The following POU2F2 variants were observed in gnomAD, a reference collection of about 807,000 sequenced individuals.
POU2F2 encodes POU class 2 homeobox 2, also known as POU domain, class 2, transcription factor 2.
Under a neutral mutation model 63.5 loss-of-function variants are expected in POU2F2, and 14 were observed. That is an observed-to-expected ratio of 0.22 (90% CI 0.15 to 0.34). The LOEUF (loss-of-function observed/expected upper bound fraction) is 0.34. POU2F2 is among the 10% of genes least tolerant of loss of function. The pLI is 1.00. For synonymous variants in POU2F2, 306 were observed against 348.6 expected (o/e 0.88, Z 1.36); for missense variants, 607 against 815.2 (o/e 0.74, Z 3.11).
chr19:42,108,431 C>T (rs765114074), intron 5 of POU2F2, among the ~76,000 whole-genome samples: 38 of 151,968 alleles, frequency 2.5e-4, no homozygotes, highest in Non-Finnish European at 4.6e-4. Context: ...ACAAAAAATC[C>T]AGGCATGGTG....
At chr19:42,188,116 G>A (rs1304684633) in intron 1 of POU2F2, among the ~76,000 whole-genome samples, 3 of 151,908 alleles carry the variant, frequency 2.0e-5, no homozygotes, top group Non-Finnish European at 4.4e-5. Context: ...TATAATCCCG[G>A]CACTTTCGGA....
At chr19:42,139,234 C>A (rs978038297) in intron 2 of POU2F2, among the ~76,000 whole-genome samples, 1 of 152,130 alleles carries the variant, frequency 6.6e-6, no homozygotes, top group African/African-American at 2.4e-5. Context: ...GCAGGAAAAT[C>A]GCTTGAACCC....
At chr19:42,187,468 A>C (rs952593386) in intron 1 of POU2F2, among the ~76,000 whole-genome samples, 12 of 150,976 alleles carry the variant, frequency 7.9e-5, no homozygotes, top group African/African-American at 2.9e-4. Flanking sequence ...AAAAAAAAAA[A>C]AAAAAAAAAC....
intron 5 of POU2F2, among the ~76,000 whole-genome samples, chr19:42,101,035 T>C (rs2077120605): frequency 6.6e-6 from 1 of 151,622 alleles, no homozygotes; most frequent in African/African-American, 2.4e-5. Flanking sequence ...GAGGCGGAGA[T>C]TGCAATGAGC....
chr19:42,130,955 C>T (rs1600161968), intron 1 of POU2F2, among the ~76,000 whole-genome samples: 2 of 130,006 alleles, frequency 1.5e-5, no homozygotes, highest in Admixed American at 1.6e-4. Context: ...ACCTATGTCC[C>T]CCCATCCCAG....
chr19:42,139,973 C>A (rs952106863), intron 2 of POU2F2, among the ~76,000 whole-genome samples: 14 of 152,242 alleles, frequency 9.2e-5, no homozygotes, highest in African/African-American at 3.1e-4. Context: ...CACAATGAGG[C>A]TGGAGTGAAC....
upstream of POU2F2, among the ~76,000 whole-genome samples, chr19:42,180,626 T>C (rs553557425): frequency 7.2e-5 from 11 of 152,170 alleles, no homozygotes; most frequent in African/African-American, 2.2e-4. Context: ...AGTACATGGG[T>C]GGGGTGGGGG....
intron 5 of POU2F2, among the ~76,000 whole-genome samples, chr19:42,105,489 G>T (rs1008524490): frequency 1.3e-5 from 2 of 152,060 alleles, no homozygotes; most frequent in African/African-American, 4.8e-5. Flanking sequence ...TAAAGTATTT[G>T]TTAACTCCTG....
intron 1 of POU2F2, among the ~76,000 whole-genome samples, chr19:42,163,925 T>C (rs1414387083): frequency 6.6e-6 from 1 of 152,030 alleles, no homozygotes; most frequent in Non-Finnish European, 1.5e-5. Context: ...TACCATGAAA[T>C]AAAATCATTG....
chr19:42,092,338 C>A lies in POU2F2; in HGVS notation c.1265-68G>T. On this transcript the variant is annotated intron_variant, in intron 12 of 14. Coordinates refer to ENST00000692977, the MANE Select transcript of POU2F2 (RefSeq NM_001394376.1). The surrounding 1 kb of genome is among the most constrained non-coding windows in gnomAD (Gnocchi z 5.0). The stretch of plus-strand genomic sequence containing the variant: ...CGTCCCCCACTGAGGAACCTGGGGT[C>A]AGCTCCTACTTGTCCTCCCGCCCAG... The A allele has an allele frequency of 1.6e-6, 2 of 1,245,120 alleles. No individual in the cohort carries two copies. Among genetic ancestry groups the A allele is most frequent in the South Asian group, 2.6e-5 (2 of 77,708 alleles). The allele number at this position is 1,245,120 out of a possible 1,614,324, so 77.1% of individuals were successfully genotyped here.
chr19:42,094,025 T>C (rs2076831520), intron 11 of POU2F2, 130 bp from the exon 12 acceptor site: 1 of 688,732 alleles, frequency 1.5e-6, no homozygotes, highest in African/African-American at 1.8e-5. Flanking sequence ...GCATTTGTAT[T>C]ATTCCACATG....
At chr19:42,197,484 G>C (rs1320210048), upstream of POU2F2, among the ~76,000 whole-genome samples, 2 of 152,168 alleles carry the variant, frequency 1.3e-5, no homozygotes, top group Admixed American at 6.5e-5. Context: ...CGAAATTCCA[G>C]AACAGGCTCC....
intron 2 of POU2F2, among the ~76,000 whole-genome samples, chr19:42,146,045 A>AG (rs2034226631): frequency 6.6e-6 from 1 of 150,926 alleles, no homozygotes; most frequent in Non-Finnish European, 1.5e-5. Context: ...AAAAAAAAAA[A>AG]AAAAAAAGAA....
Position 42,169,243 on chromosome 19 carries a change from T to C in POU2F2, c.-70+6720A>G, listed in dbSNP as rs780867394. Among the ~76,000 whole-genome samples, 1 of 152,238 alleles carries C rather than the reference T, an allele frequency of 6.6e-6. No homozygotes were observed. ...GGCCTCCCTGTGGGATTTCTGAATG[T>C]GGCCTGTGTGCACCCACAGGCATAT... On this transcript the variant is annotated intron_variant, in intron 1 of 6. Transcript: ENST00000524801. The surrounding 1 kb of genome is among the most constrained non-coding windows in gnomAD (Gnocchi z 4.3).
At chr19:42,101,463 G>A (rs113772350) in intron 5 of POU2F2, among the ~76,000 whole-genome samples, 10 of 152,284 alleles carry the variant, frequency 6.6e-5, no homozygotes, top group African/African-American at 2.4e-4. Context: ...ATGATGTGAA[G>A]AGACACAGGG....
At chr19:42,136,227 C>T (rs1599645218), upstream of POU2F2, among the ~76,000 whole-genome samples, 1 of 145,912 alleles carries the variant, frequency 6.9e-6, no homozygotes, top group African/African-American at 2.6e-5. Flanking sequence ...CTCTGTCACT[C>T]AGGCTGGAGT....
chr19:42,116,623 G>A, intron 5 of POU2F2: 1 of 257,196 alleles, frequency 3.9e-6, no homozygotes, highest in Non-Finnish European at 7.8e-6. Context: ...AACAGTCCAT[G>A]TGGACCAGTC....
At chr19:42,158,150 C>A (rs147354102) in intron 2 of POU2F2, among the ~76,000 whole-genome samples, 2 of 152,328 alleles carry the variant, frequency 1.3e-5, no homozygotes, top group East Asian at 3.9e-4. Context: ...CGAACTTTTT[C>A]TTGAACCACC....
chr19:42,110,058 A>G (rs891858572), intron 5 of POU2F2, among the ~76,000 whole-genome samples: 1 of 151,454 alleles, frequency 6.6e-6, no homozygotes, highest in African/African-American at 2.4e-5. Context: ...GAAGTTCAAG[A>G]CCAGTTGGGC....
Sources: gnomAD v4.1 joint callset for allele counts (sites outside exome capture counted in the v4.1 genomes callset) on GRCh38, gnomAD v4.1.1 for gene constraint, Gnocchi (gnomAD v3.1) non-coding constraint, MANE v1.5 for transcripts, NCBI Gene and HGNC (gene_info 2026-07-23, HGNC 2026-07-21) for gene names.